PAX7: variants seen among roughly 807,000 people sequenced by gnomAD.
PAX7 encodes the protein paired box 7.
In PAX7, 18 loss-of-function variants were observed where a neutral mutation model predicts 50.7. The observed-to-expected ratio is 0.36, with a 90% CI of 0.25 to 0.53. The LOEUF is 0.53. Ranked by LOEUF, PAX7 falls within the 20% of genes least tolerant of loss-of-function variation. PAX7 has a pLI of 0.93. For synonymous variants in PAX7, 310 were observed against 290.4 expected, an observed-to-expected ratio of 1.07 and a Z score of -0.69; for missense variants, 644 against 702.9, an observed-to-expected ratio of 0.92 and a Z score of 0.95.
chr1:18,736,464 C>A (rs1323898026), intron 8 of PAX7, among the ~76,000 whole-genome samples: 2,582 of 116,852 alleles, frequency 0.022, no homozygotes, highest in African/African-American at 0.025. Context: ...GACTCTGTCT[C>A]AAAAAAAAAA....
chr1:18,680,152 T>A (rs930651473), intron 4 of PAX7, among the ~76,000 whole-genome samples: 28 of 152,280 alleles, frequency 1.8e-4, no homozygotes, highest in African/African-American at 5.1e-4. Context: ...GACAGTTGTA[T>A]CAAGGGTACC....
chr1:18,640,939 C>A (rs1295288910), intron 4 of PAX7, among the ~76,000 whole-genome samples: 1 of 152,006 alleles, frequency 6.6e-6, no homozygotes, highest in Non-Finnish European at 1.5e-5. Context: ...GGCGAGGGGC[C>A]GAGCCCACAC....
chr1:18,688,494 C>G (rs2089009869), intron 4 of PAX7, among the ~76,000 whole-genome samples: 2 of 152,194 alleles, frequency 1.3e-5, no homozygotes. Flanking sequence ...GTGCTCAAAA[C>G]CCCATGTAGC....
At position 18,636,554 on chromosome 1, in the gene PAX7, C is replaced by A. The variant is rs2088161099; in HGVS notation, c.586+183C>A. Among the ~76,000 whole-genome samples, 1 of 152,206 alleles carries A rather than the reference C, an allele frequency of 6.6e-6. No homozygotes were observed. The highest frequency in any genetic ancestry group is 2.4e-5 in the African/African-American group (1 of 41,456). On this transcript the variant is annotated intron_variant, in intron 4 of 8. Coordinates refer to ENST00000420770, the MANE Select transcript of PAX7 (RefSeq NM_001135254.2). This position sits in a 1 kb window ranked among gnomAD's most constrained non-coding sequence, Gnocchi z 5.1. ...GACAGCGCCCCCTCGGTGCGCACCC[C>A]GGATGCCGGCTAGATGCGAAGCCCG... is the stretch of plus-strand genomic sequence containing the variant.
In PAX7 at chr1:18,735,504, G is replaced by T. The variant is rs989202493; in HGVS notation, c.1156-128G>T. 2 of 1,482,694 alleles carry T rather than the reference G, an allele frequency of 1.3e-6. No homozygotes were observed. The highest frequency in any genetic ancestry group is 1.8e-6 in the Non-Finnish European group (2 of 1,112,730). 91.8% of individuals were successfully genotyped at this position (1,482,694 alleles called of 1,614,324 possible). A position where few individuals can be genotyped will look rare whatever the true frequency, so the allele number is the denominator to read the frequency against. On this transcript the variant is annotated intron_variant, in intron 7 of 8. Coordinates refer to ENST00000420770, the MANE Select transcript of PAX7 (RefSeq NM_001135254.2). This position sits in a 1 kb window ranked among gnomAD's most constrained non-coding sequence, Gnocchi z 4.0. ...AATCAGGTAAACTGAGGACCTCGAAGCTACAGAGACTTCAAGGGAACAACT... is the reference window on the plus strand; with the variant it reads ...AATCAGGTAAACTGAGGACCTCGAATCTACAGAGACTTCAAGGGAACAACT...
intron 7 of PAX7, among the ~76,000 whole-genome samples, chr1:18,719,305 T>C (rs772171869): frequency 3.3e-5 from 5 of 152,200 alleles, no homozygotes; most frequent in African/African-American, 1.2e-4. Flanking sequence ...TGTGGGCGAA[T>C]GAGTGCTGGA....
chr1:18,724,487 C>A (rs564487709), intron 7 of PAX7, among the ~76,000 whole-genome samples: 1 of 152,212 alleles, frequency 6.6e-6, no homozygotes, highest in African/African-American at 2.4e-5. Context: ...TCCGTAACTT[C>A]GAGGGACAGC....
intron 5 of PAX7, among the ~76,000 whole-genome samples, chr1:18,697,904 C>G (rs2089169233): frequency 6.6e-6 from 1 of 152,060 alleles, no homozygotes; most frequent in East Asian, 1.9e-4. Context: ...TCCTGTCCAT[C>G]TCTCTAGCCT....
chr1:18,721,532 C>T (rs1392078682), intron 7 of PAX7, among the ~76,000 whole-genome samples: 1 of 152,196 alleles, frequency 6.6e-6, no homozygotes, highest in Non-Finnish European at 1.5e-5. Context: ...CCCTTTAAGC[C>T]TCAGTTTCCC....
chr1:18,732,435 G>A (rs2236800), intron 7 of PAX7, among the ~76,000 whole-genome samples: 65,178 of 152,074 alleles, frequency 0.43, 14,219 homozygotes, highest in Middle Eastern at 0.51. Context: ...CTACAGAGAC[G>A]GACAAAATGC....
intron 7 of PAX7, among the ~76,000 whole-genome samples, chr1:18,727,788 C>T (rs530389570): frequency 2.6e-5 from 4 of 152,046 alleles, no homozygotes; most frequent in African/African-American, 9.7e-5. Flanking sequence ...GGGAAGGGAA[C>T]CTTCTTGCCC....
chr1:18,714,776 C>T (rs925908733), intron 7 of PAX7, among the ~76,000 whole-genome samples: 2 of 152,222 alleles, frequency 1.3e-5, no homozygotes, highest in African/African-American at 4.8e-5. Flanking sequence ...GTTGTACATC[C>T]GCACCTCCTT....
At chr1:18,744,766 T>C (rs1931355160) in intron 8 of PAX7, 48 bp from the exon 9 acceptor site, 1 of 1,120,142 alleles carries the variant, frequency 8.9e-7, no homozygotes, top group East Asian at 2.6e-5. Flanking sequence ...AATGGAAGAA[T>C]AAACAAAAAG....
At chr1:18,665,009 G>A (rs2088648374) in intron 4 of PAX7, among the ~76,000 whole-genome samples, 1 of 152,166 alleles carries the variant, frequency 6.6e-6, no homozygotes, top group African/African-American at 2.4e-5. Flanking sequence ...TGACTCTGCT[G>A]TGTGTCCTTA....
chr1:18,709,681 A>G (rs1178580888), intron 7 of PAX7, among the ~76,000 whole-genome samples: 1 of 152,146 alleles, frequency 6.6e-6, no homozygotes, highest in Non-Finnish European at 1.5e-5. Flanking sequence ...AGGGTCCCCT[A>G]TCCATCCAAC....
At chr1:18,680,526 A>G (rs1044973375) in intron 4 of PAX7, among the ~76,000 whole-genome samples, 2 of 152,148 alleles carry the variant, frequency 1.3e-5, no homozygotes, top group Non-Finnish European at 2.9e-5. Context: ...TTTAGAAATA[A>G]CAAGAACGAG....
chr1:18,731,865 C>T (rs768408491), intron 7 of PAX7, among the ~76,000 whole-genome samples: 1 of 152,220 alleles, frequency 6.6e-6, no homozygotes, highest in Admixed American at 6.5e-5. Flanking sequence ...CAGTTCACAG[C>T]CCAGGGTCCA....
At chr1:18,698,209 G>T (rs1031030823) in intron 5 of PAX7, among the ~76,000 whole-genome samples, 1 of 150,610 alleles carries the variant, frequency 6.6e-6, no homozygotes, top group Non-Finnish European at 1.5e-5. Context: ...ACTTTTCAAC[G>T]AAATCAAGTG....
intron 4 of PAX7, among the ~76,000 whole-genome samples, chr1:18,637,012 T>C: frequency 6.6e-6 from 1 of 152,106 alleles, no homozygotes; most frequent in East Asian, 1.9e-4. Flanking sequence ...GGAGGCCAAG[T>C]TCCCAGATGC....
Sources: allele counts gnomAD v4.1 joint callset (sites outside exome capture counted in the v4.1 genomes callset), GRCh38; gene constraint gnomAD v4.1.1; non-coding constraint Gnocchi (gnomAD v3.1); transcripts MANE v1.5; gene names NCBI Gene and HGNC (gene_info 2026-07-23, HGNC 2026-07-21).